The following SVEP1 variants were observed in gnomAD, a reference collection of about 807,000 sequenced individuals.
SVEP1 encodes the protein sushi, von Willebrand factor type A, EGF and pentraxin domain-containing protein 1.
SVEP1 carries 164 observed loss-of-function variants against 367.3 expected under a neutral mutation model. The ratio of observed to expected loss-of-function variants is 0.45; its 90% CI spans 0.39 to 0.51. The LOEUF (loss-of-function observed/expected upper bound fraction) is 0.51, where lower values mean the gene tolerates loss of function less well. Among genes scored for constraint, SVEP1 ranks in the 20% least tolerant of loss-of-function variants. SVEP1 has a pLI of 0.00. For missense variants in SVEP1, 4,117 were observed against 4,425.3 expected (o/e 0.93, Z 1.98); for synonymous variants, 1,666 against 1,611.6 (o/e 1.03, Z -0.81).
In SVEP1 at chr9:110,368,453, C is replaced by T. The variant is rs867082623; in HGVS notation, c.10694+1470G>A. On this transcript the variant is annotated intron_variant, in intron 47 of 47. Coordinates refer to ENST00000374469, the MANE Select transcript of SVEP1 (RefSeq NM_153366.4). ...CATTATTTTTCTTGGATGCCTATAT[C>T]AAACTTTTGCGTAAAAAATCTAGAT... Among the ~76,000 whole-genome samples, 24 of 152,292 alleles carry T rather than the reference C, an allele frequency of 1.6e-4. No individual in the cohort carries two copies. The Middle Eastern group carries it at 0.014, about 86-fold the overall frequency.
chr9:110,499,642 G>T (rs1430634918), intron 6 of SVEP1, among the ~76,000 whole-genome samples: 1 of 152,116 alleles, frequency 6.6e-6, no homozygotes, highest in Non-Finnish European at 1.5e-5. Flanking sequence ...GCTTTTTGGT[G>T]CTATTTTTAA....
At chr9:110,448,169 G>T (rs75618747) in intron 24 of SVEP1, among the ~76,000 whole-genome samples, 1 of 55,026 alleles carries the variant, frequency 1.8e-5, no homozygotes, top group Non-Finnish European at 3.2e-5. Flanking sequence ...GTGTGCGCGC[G>T]CTCGCGCGTG....
chr9:110,447,102 A>T (rs1488827910), intron 24 of SVEP1, 45 bp from the exon 25 acceptor site: 5 of 1,358,736 alleles, frequency 3.7e-6, no homozygotes, highest in Non-Finnish European at 4.7e-6. Flanking sequence ...AGTTGTAGGA[A>T]GTCTCCCATT....
At chr9:110,480,396 T>C (rs953516955) in intron 12 of SVEP1, among the ~76,000 whole-genome samples, 1 of 152,120 alleles carries the variant, frequency 6.6e-6, no homozygotes, top group Non-Finnish European at 1.5e-5. Context: ...CACATTTTTT[T>C]CCAAGACACT....
At chr9:110,499,444 AG>A (rs1237385958) in intron 6 of SVEP1, among the ~76,000 whole-genome samples, 1 of 152,194 alleles carries the variant, frequency 6.6e-6, no homozygotes, top group Non-Finnish European at 1.5e-5. Flanking sequence ...TATTTTTGCC[AG>A]TGCATCATCA....
At chr9:110,490,815 T>TAA (rs1188110246) in intron 8 of SVEP1, among the ~76,000 whole-genome samples, 4 of 152,098 alleles carry the variant, frequency 2.6e-5, no homozygotes, top group African/African-American at 4.8e-5. Flanking sequence ...AACTGTTTTT[T>TAA]AATGCCATAT....
At chr9:110,450,773 C>A (rs4273919) in intron 23 of SVEP1, among the ~76,000 whole-genome samples, 22,719 of 151,946 alleles carry the variant, frequency 0.15, 2,266 homozygotes, top group East Asian at 0.43. Flanking sequence ...CCATGCCCAG[C>A]CGATAATCTG....
chr9:110,479,195 G>T (rs886449494), intron 13 of SVEP1, among the ~76,000 whole-genome samples: 3 of 152,048 alleles, frequency 2.0e-5, no homozygotes, highest in African/African-American at 7.3e-5. Context: ...TGGGATTACA[G>T]GCGTGAGCCA....
chr9:110,559,912 A>G (rs1484864810), intron 1 of SVEP1, among the ~76,000 whole-genome samples: 1 of 152,192 alleles, frequency 6.6e-6, no homozygotes, highest in Non-Finnish European at 1.5e-5. Context: ...GAAGTAGGCA[A>G]CCAAACACAA....
intron 3 of SVEP1, among the ~76,000 whole-genome samples, chr9:110,535,578 T>C (rs1830068926): frequency 6.6e-6 from 1 of 152,164 alleles, no homozygotes; most frequent in African/African-American, 2.4e-5. Flanking sequence ...AGGAATAGCA[T>C]TGAATCTGTA....
At chr9:110,387,902 G>A (rs897204438) in intron 41 of SVEP1, among the ~76,000 whole-genome samples, 2 of 152,046 alleles carry the variant, frequency 1.3e-5, no homozygotes, top group East Asian at 3.9e-4. Flanking sequence ...TTTAGTATAA[G>A]CGTGTCTCCG....
chr9:110,392,493 T>G (rs1033141446), intron 40 of SVEP1, among the ~76,000 whole-genome samples: 1 of 152,190 alleles, frequency 6.6e-6, no homozygotes, highest in African/African-American at 2.4e-5. Flanking sequence ...ACATAATGTC[T>G]GGTTGTCTCC....
intron 13 of SVEP1, among the ~76,000 whole-genome samples, chr9:110,476,987 G>GC (rs1829106530): frequency 6.6e-6 from 1 of 152,046 alleles, no homozygotes; most frequent in South Asian, 2.1e-4. Context: ...TTTCCCCTCT[G>GC]CGTCACTCCC....
chr9:110,428,508 A>G (rs565002433), intron 35 of SVEP1, among the ~76,000 whole-genome samples: 3 of 152,244 alleles, frequency 2.0e-5, no homozygotes, highest in Non-Finnish European at 2.9e-5. Context: ...AATGTTGAGT[A>G]CGTTTGGTAA....
intron 8 of SVEP1, among the ~76,000 whole-genome samples, chr9:110,496,601 G>T (rs528315764): frequency 6.6e-6 from 1 of 152,184 alleles, no homozygotes; most frequent in Non-Finnish European, 1.5e-5. Context: ...TCACCTTGCA[G>T]ATGGCCTATT....
At position 110,499,151 on chromosome 9, in the gene SVEP1, A is replaced by G. The variant is rs1237859681; in HGVS notation, c.1571T>C (p.Ile524Thr). 5.0e-6 allele frequency: 8 copies of G among 1,613,652 alleles called. No individual in the cohort carries two copies. The highest frequency in any genetic ancestry group is 2.2e-5 in the South Asian group (2 of 91,062). ...CCCTTGGCGGCAACTTACATAGCAG[A>G]TCGTCCCAAATTTGGCTGGCTGCTT... ...CGKQPAKFGTICYVSCRQGFI... is the reference protein window; with the variant it reads ...CGKQPAKFGTTCYVSCRQGFI... Residue 524 changes from isoleucine to threonine, a missense_variant, in exon 7 of 48, where the codon ATC becomes ACC. Around this residue, in one of 4 missense-constraint regions of SVEP1, gnomAD observed 2,174 missense variants for 2,494.3 expected, o/e 0.87. Transcript: ENST00000374469.
chr9:110,529,820 T>G (rs1829995250), intron 3 of SVEP1, among the ~76,000 whole-genome samples: 1 of 152,136 alleles, frequency 6.6e-6, no homozygotes, highest in Non-Finnish European at 1.5e-5. Context: ...CAGAGTTAGT[T>G]TGACTTTCAC....
chr9:110,450,119 T>C lies in SVEP1; in HGVS notation c.4043A>G (p.Glu1348Gly). 1.2e-6 allele frequency: 2 copies of C among 1,613,964 alleles called. No individual in the cohort carries two copies. Among genetic ancestry groups the C allele is most frequent in the South Asian group, 2.2e-5 (2 of 91,080 alleles). ...LGTRCGKNVD[E>G]CLSQPCKNGA... ...ATTTTTGCATGGCTGACTGAGACAC[T>C]CATCGACGTTCTTTCCACATCGGGT... The change falls in exon 24 of 48, where the codon GAG becomes GGG. Residue 1348 changes from glutamate (E) to glycine (G), a missense_variant. By Grantham distance (98) the Glu-to-Gly change is moderately conservative. This residue lies in a region of SVEP1 where 2,174 missense variants were observed against 2,494.3 expected (regional missense o/e 0.87). Transcript: ENST00000374469.
rs180690759 is a variant in SVEP1, at chr9:110,578,900, T to C, written c.531+113A>G. 2,348 of 1,195,596 alleles carry C rather than the reference T, an allele frequency of 2.0e-3. 45 individuals carry two copies. In the South Asian group the frequency reaches 0.028, roughly 14 times the overall value. 74.1% of individuals were successfully genotyped at this position (1,195,596 alleles called of 1,614,324 possible). A position where few individuals can be genotyped will look rare whatever the true frequency, so the allele number is the denominator to read the frequency against. ...GGTTTTGTGGATGGGGACGCTTGAC[T>C]TGGGGTGGTTATGCCTTGCCCAGGA... On this transcript the variant is annotated intron_variant, in intron 1 of 47. Coordinates refer to ENST00000374469, the MANE Select transcript of SVEP1 (RefSeq NM_153366.4).
Sources: gnomAD v4.1 joint callset for allele counts (sites outside exome capture counted in the v4.1 genomes callset) on GRCh38, gnomAD v4.1.1 for gene constraint, gnomAD v4.1.1 regional missense constraint, MANE v1.5 for transcripts, NCBI Gene and HGNC (gene_info 2026-07-23, HGNC 2026-07-21) for gene names.